GABRR3: variants seen among roughly 807,000 people sequenced by gnomAD.
The protein encoded by GABRR3 is gamma-aminobutyric acid receptor subunit rho-3.
GABRR3 carries 29 observed loss-of-function variants against 43.2 expected under a neutral mutation model. The ratio of observed to expected loss-of-function variants is 0.67; its 90% CI spans 0.50 to 0.92. GABRR3 has a LOEUF of 0.92. Ranked by LOEUF, GABRR3 falls within the 40% of genes least tolerant of loss-of-function variation. GABRR3 has a pLI of 0.00. For synonymous variants in GABRR3, 206 were observed against 195.9 expected (o/e 1.05, Z -0.43); for missense variants, 576 against 572.3 (o/e 1.01, Z -0.07).
chr3:98,034,818 A>G, intron 2 of GABRR3, 45 bp downstream of exon 2: 1 of 1,606,414 alleles, frequency 6.2e-7, no homozygotes, highest in Non-Finnish European at 8.5e-7. Context: ...AACTGTTGAG[A>G]GAAACTGGGC....
chr3:98,020,762 C>T (rs1706932547), intron 3 of GABRR3, among the ~76,000 whole-genome samples: 3 of 152,182 alleles, frequency 2.0e-5, no homozygotes, highest in Admixed American at 2.0e-4. Context: ...TTCTTCCTTT[C>T]GTCCTCCAGA....
At chr3:98,010,647 G>A (rs1267014681) in intron 5 of GABRR3, among the ~76,000 whole-genome samples, 1 of 152,166 alleles carries the variant, frequency 6.6e-6, no homozygotes, top group African/African-American at 2.4e-5. Context: ...GGAATGTGCA[G>A]GGTAAGAAAA....
At chr3:98,035,053 T>C (rs1707134681) in intron 1 of GABRR3, 64 bp from the exon 2 acceptor site, 5 of 1,540,516 alleles carry the variant, frequency 3.2e-6, no homozygotes, top group Non-Finnish European at 3.5e-6. Context: ...TCACAGTTTC[T>C]TCTTCATGTG....
chr3:98,011,264 G>A lies in GABRR3; in HGVS notation c.530+1080C>T, dbSNP rs139194497. ...TCTGTATGAGTTTCCTACTGCTGCTGTAACAAATTACTACAAATCTGGTGG... is the reference window on the plus strand; with the variant it reads ...TCTGTATGAGTTTCCTACTGCTGCTATAACAAATTACTACAAATCTGGTGG... On this transcript the variant is annotated intron_variant, in intron 5 of 9. Coordinates refer to ENST00000621172, the Ensembl canonical transcript of GABRR3. Among the ~76,000 whole-genome samples, 828 of 152,332 alleles carry A rather than the reference G, an allele frequency of 5.4e-3. 7 individuals carry two copies. The highest frequency in any genetic ancestry group is 0.019 in the African/African-American group (806 of 41,580).
intron 8 of GABRR3, chr3:98,001,078 T>C (rs1706633721): frequency 6.5e-6 from 1 of 153,102 alleles, no homozygotes; most frequent in Non-Finnish European, 1.5e-5. Context: ...AATTCCACTG[T>C]GGTTGATTCT....
chr3:98,012,557 A>T (rs1412610650), exon 5 of GABRR3: 1 of 1,612,164 alleles, frequency 6.2e-7, no homozygotes, highest in African/African-American at 1.3e-5. Context: ...ATAAAAAGTC[A>T]TTGTAAAGTC....
At chr3:97,995,707 G>A (rs1035472369) in intron 8 of GABRR3, among the ~76,000 whole-genome samples, 3 of 152,050 alleles carry the variant, frequency 2.0e-5, no homozygotes, top group Non-Finnish European at 4.4e-5. Context: ...AGAACTTGAA[G>A]TCAGGAGTAT....
At chr3:98,025,534 T>A (rs749831416) in intron 3 of GABRR3, 33 bp downstream of exon 3, 3 of 1,459,152 alleles carry the variant, frequency 2.1e-6, no homozygotes, top group Non-Finnish European at 2.8e-6. Context: ...GTGCAATGGG[T>A]TTTGAAATGA....
intron 4 of GABRR3, among the ~76,000 whole-genome samples, chr3:98,015,677 A>G (rs1386164927): frequency 4.6e-5 from 7 of 152,224 alleles, no homozygotes; most frequent in Non-Finnish European, 8.8e-5. Context: ...AAGGAAAGAG[A>G]TCCATCTAAA....
intron 8 of GABRR3, chr3:98,000,475 G>A (rs1706623619): frequency 6.6e-6 from 1 of 152,110 alleles, no homozygotes; most frequent in African/African-American, 2.4e-5. Flanking sequence ...ATGCTCTGAT[G>A]TGAAGAAACA....
intron 2 of GABRR3, among the ~76,000 whole-genome samples, chr3:98,034,286 C>T (rs1707124895): frequency 6.6e-6 from 1 of 152,098 alleles, no homozygotes; most frequent in African/African-American, 2.4e-5. Context: ...GTCACTCTCA[C>T]AGATAGCTAT....
At chr3:98,017,664 C>T in exon 4 of GABRR3, 1 of 1,609,076 alleles carries the variant, frequency 6.2e-7, no homozygotes, top group Non-Finnish European at 8.5e-7. Context: ...CCATGTTAGT[C>T]TCTGAAATGC....
At chr3:98,007,054 T>A (rs1284156992) in intron 7 of GABRR3, among the ~76,000 whole-genome samples, 1 of 152,036 alleles carries the variant, frequency 6.6e-6, no homozygotes, top group Non-Finnish European at 1.5e-5. Context: ...GCAGACAGAT[T>A]CCCCACCCTT....
intron 2 of GABRR3, among the ~76,000 whole-genome samples, chr3:98,033,441 A>G (rs1179161415): frequency 6.6e-6 from 1 of 152,072 alleles, no homozygotes; most frequent in Non-Finnish European, 1.5e-5. Flanking sequence ...ACCACAAAGA[A>G]CCAATGTTCT....
downstream of GABRR3, among the ~76,000 whole-genome samples, chr3:97,985,590 C>A (rs6780855): frequency 0.23 from 35,323 of 152,092 alleles, 4,132 homozygotes; most frequent in Middle Eastern, 0.26. Flanking sequence ...AAGGCAGGAA[C>A]GCTATTTCAT....
chr3:98,026,135 G>C (rs935548323), intron 2 of GABRR3, among the ~76,000 whole-genome samples: 7 of 152,126 alleles, frequency 4.6e-5, no homozygotes, highest in African/African-American at 1.4e-4. Flanking sequence ...CGAAGACAGC[G>C]AGAAAACGAA....
At chr3:98,009,612 T>C (rs1469855274) in intron 5 of GABRR3, among the ~76,000 whole-genome samples, 2 of 152,206 alleles carry the variant, frequency 1.3e-5, no homozygotes, top group Non-Finnish European at 2.9e-5. Flanking sequence ...AACGGTTTTT[T>C]CAAATTTTAT....
chr3:98,001,980 A>G (rs1576039553), intron 7 of GABRR3, among the ~76,000 whole-genome samples: 1 of 152,230 alleles, frequency 6.6e-6, no homozygotes, highest in East Asian at 1.9e-4. Context: ...ATCCCCTTTA[A>G]CTTCCAAACC....
intron 2 of GABRR3, among the ~76,000 whole-genome samples, chr3:98,026,875 A>C (rs1707025152): frequency 6.6e-6 from 1 of 152,150 alleles, no homozygotes; most frequent in Non-Finnish European, 1.5e-5. Flanking sequence ...AATACATCTT[A>C]TGGGCACCTG....
Sources: allele counts gnomAD v4.1 joint callset (sites outside exome capture counted in the v4.1 genomes callset), GRCh38; gene constraint gnomAD v4.1.1; transcripts MANE v1.5; gene names NCBI Gene and HGNC (gene_info 2026-07-23, HGNC 2026-07-21).